Variants in MARCHF11 observed in about 807,000 individuals in gnomAD.
MARCHF11 encodes the protein E3 ubiquitin-protein ligase MARCHF11.
In MARCHF11, 29 loss-of-function variants were observed where a neutral mutation model predicts 37.3. The observed-to-expected ratio is 0.78, with a 90% CI of 0.58 to 1.06. The LOEUF (loss-of-function observed/expected upper bound fraction) is 1.06. Ranked by LOEUF, MARCHF11 falls within the 50% of genes least tolerant of loss-of-function variation. MARCHF11 has a pLI of 0.00. For missense variants in MARCHF11, 482 were observed against 533.4 expected (o/e 0.90, Z 0.95); for synonymous variants, 233 against 228.0 (o/e 1.02, Z -0.20).
rs547990148 is a variant in MARCHF11 at position 16,148,732 on chromosome 5, G to C, written c.693+28994C>G. 5.4e-4 allele frequency among the ~76,000 whole-genome samples: 82 copies of C among 152,196 alleles called. 1 individual carries two copies. Among genetic ancestry groups the C allele is most frequent in the Middle Eastern group, 6.8e-3 (2 of 294 alleles). On this transcript the variant is annotated intron_variant, in intron 2 of 3. Coordinates refer to ENST00000332432, the MANE Select transcript of MARCHF11 (RefSeq NM_001102562.3). ...TTTGTAGGAGACTAGCTAGCAAGAG[G>C]CATAACCAGAAATTCTAGCTTAGCT...
chr5:16,133,735 G>A (rs898480063), intron 2 of MARCHF11, among the ~76,000 whole-genome samples: 3 of 152,138 alleles, frequency 2.0e-5, no homozygotes, highest in East Asian at 1.9e-4. Flanking sequence ...TTCCCTGAGC[G>A]ACAATGGAAG....
chr5:16,136,614 T>G (rs1427180955), intron 2 of MARCHF11, among the ~76,000 whole-genome samples: 1 of 152,150 alleles, frequency 6.6e-6, no homozygotes, highest in Non-Finnish European at 1.5e-5. Context: ...ATGACAAATG[T>G]AGAAATGGGG....
At chr5:16,113,244 T>G (rs946416652) in intron 2 of MARCHF11, among the ~76,000 whole-genome samples, 1 of 152,212 alleles carries the variant, frequency 6.6e-6, no homozygotes, top group Non-Finnish European at 1.5e-5. Flanking sequence ...TTGACAATAT[T>G]CATTGTAACA....
At chr5:16,139,296 T>C (rs1326619521) in intron 2 of MARCHF11, among the ~76,000 whole-genome samples, 2 of 152,154 alleles carry the variant, frequency 1.3e-5, no homozygotes, top group Admixed American at 1.3e-4. Flanking sequence ...AAATGGGAGT[T>C]CCCCTGCTGA....
chr5:16,165,885 A>G lies in MARCHF11; in HGVS notation c.693+11841T>C, dbSNP rs144755370. Among the ~76,000 whole-genome samples the G allele has an allele frequency of 3.8e-4, 58 of 152,164 alleles. 1 individual carries two copies. The East Asian group carries it at 0.011, about 30-fold the overall frequency. On this transcript the variant is annotated intron_variant, in intron 2 of 3. Transcript: ENST00000332432. Reference sequence around the variant, plus strand: ...AGTCACTAACTACAAAGATGGGGGAATTGAGCTCTACCTCCTGGAGGGGAG... The same window carrying G: ...AGTCACTAACTACAAAGATGGGGGAGTTGAGCTCTACCTCCTGGAGGGGAG...
chr5:16,173,234 C>T (rs1738301198), intron 2 of MARCHF11, among the ~76,000 whole-genome samples: 1 of 152,174 alleles, frequency 6.6e-6, no homozygotes, highest in Non-Finnish European at 1.5e-5. Context: ...ATCATGATTC[C>T]TTTTGACTCC....
At chr5:16,172,046 A>G (rs1738275911) in intron 2 of MARCHF11, among the ~76,000 whole-genome samples, 2 of 152,190 alleles carry the variant, frequency 1.3e-5, no homozygotes, top group African/African-American at 4.8e-5. Context: ...CTCGTTCTAA[A>G]TAGTTTAAAA....
chr5:16,088,275 T>C (rs1006081656), intron 3 of MARCHF11, among the ~76,000 whole-genome samples: 3 of 152,180 alleles, frequency 2.0e-5, no homozygotes, highest in African/African-American at 7.2e-5. Flanking sequence ...CACATCCCAC[T>C]GTATTCTAAT....
At chr5:16,068,176 C>A (rs570507945) in intron 3 of MARCHF11, among the ~76,000 whole-genome samples, 2 of 152,238 alleles carry the variant, frequency 1.3e-5, no homozygotes, top group East Asian at 3.9e-4. Flanking sequence ...GGGCTTGAAC[C>A]CAGCTGGCAG....
chr5:16,112,116 C>A (rs1422036444), intron 2 of MARCHF11, among the ~76,000 whole-genome samples: 1 of 152,164 alleles, frequency 6.6e-6, no homozygotes, highest in Non-Finnish European at 1.5e-5. Flanking sequence ...TAGGGCTGTG[C>A]AGAAGGGAAA....
In MARCHF11 at chr5:16,067,705, G is replaced by A. The variant is rs757558027; in HGVS notation, c.975C>T (p.Asp325=). The change falls in exon 4 of 4, where the codon GAC becomes GAT. Residue 325 remains aspartate, a synonymous_variant. Transcript: ENST00000332432. The part of the protein sequence containing the change: ...VNLHWDVLNY[D]KATDIEESSR... The stretch of plus-strand genomic sequence containing the variant: ...TGCTTTCTTCGATGTCTGTGGCTTT[G>A]TCATAATTTAACACATCCCAGTGCA... 3.1e-6 allele frequency: 5 copies of A among 1,613,782 alleles called. No homozygotes were observed. The highest frequency in any genetic ancestry group is 4.2e-6 in the Non-Finnish European group (5 of 1,179,864).
chr5:16,164,446 ACT>A (rs1461687977), intron 2 of MARCHF11, among the ~76,000 whole-genome samples: 1 of 151,800 alleles, frequency 6.6e-6, no homozygotes, highest in African/African-American at 2.4e-5. Flanking sequence ...AGAGCACTCC[ACT>A]CTCTAGGACA....
At position 16,118,516 on chromosome 5, in the gene MARCHF11, A is replaced by T. The variant is rs1737257391; in HGVS notation, c.694-27435T>A. Among the ~76,000 whole-genome samples, 4 of 152,356 alleles carry T rather than the reference A, an allele frequency of 2.6e-5. No individual in the cohort carries two copies. The South Asian group carries it at 8.3e-4, about 32-fold the overall frequency. The stretch of plus-strand genomic sequence containing the variant: ...AGAACAAGAAGGTTTCAAGAAAAAG[A>T]CCAAGAATTCTTTTATAGACATATT... On this transcript the variant is annotated intron_variant, in intron 2 of 3. Transcript: ENST00000332432.
intron 3 of MARCHF11, among the ~76,000 whole-genome samples, chr5:16,073,145 G>A (rs1317582649): frequency 2.0e-5 from 3 of 152,158 alleles, no homozygotes; most frequent in Non-Finnish European, 4.4e-5. Context: ...TTTGGGCTCT[G>A]TTTAATCCCA....
chr5:16,106,266 C>T (rs1260900009), intron 2 of MARCHF11, among the ~76,000 whole-genome samples: 5 of 152,144 alleles, frequency 3.3e-5, no homozygotes, highest in Non-Finnish European at 5.9e-5. Flanking sequence ...CAAAATAAGC[C>T]TATGTCTACC....
At chr5:16,107,141 A>G (rs766600724) in intron 2 of MARCHF11, among the ~76,000 whole-genome samples, 1 of 152,238 alleles carries the variant, frequency 6.6e-6, no homozygotes, top group Non-Finnish European at 1.5e-5. Flanking sequence ...AACATTACAG[A>G]AAAATGAAGA....
intron 2 of MARCHF11, among the ~76,000 whole-genome samples, chr5:16,111,200 T>C (rs1156711034): frequency 6.6e-6 from 1 of 152,206 alleles, no homozygotes; most frequent in African/African-American, 2.4e-5. Context: ...CCTGAAAATG[T>C]GGAAGCGACT....
chr5:16,130,251 TACAC>T (rs56978661), intron 2 of MARCHF11, among the ~76,000 whole-genome samples: 4,440 of 144,322 alleles, frequency 0.031, 218 homozygotes, highest in African/African-American at 0.11. Context: ...TCCAGGTACA[TACAC>T]ACACACACAC....
rs550440297 is a variant in MARCHF11, at chr5:16,158,313, T to A, written c.693+19413A>T. ...AGAACTGCTGTATGATCCATAGATA[T>A]CTGCACTCCCATAGTCATTGCAGCA... On this transcript the variant is annotated intron_variant, in intron 2 of 3. Transcript: ENST00000332432. Among the ~76,000 whole-genome samples the A allele has an allele frequency of 4.6e-5, 7 of 152,050 alleles. No individual in the cohort carries two copies. The South Asian group carries it at 1.2e-3, about 27-fold the overall frequency.
Sources: allele counts gnomAD v4.1 joint callset (sites outside exome capture counted in the v4.1 genomes callset), GRCh38; gene constraint gnomAD v4.1.1; transcripts MANE v1.5; gene names NCBI Gene and HGNC (gene_info 2026-07-23, HGNC 2026-07-21).